The following TRPV4 variants were observed in gnomAD, a reference collection of about 807,000 sequenced individuals.
TRPV4 encodes the protein OSM9-like transient receptor potential channel 4.
In TRPV4, 58 loss-of-function variants were observed where a neutral mutation model predicts 84.1. That is an observed-to-expected ratio of 0.69 (90% confidence interval 0.56 to 0.86). The LOEUF (loss-of-function observed/expected upper bound fraction) is 0.86. Among genes scored for constraint, TRPV4 ranks in the 40% least tolerant of loss-of-function variants. The probability of loss-of-function intolerance (pLI) is 0.00; values close to 1 mark genes in which losing one functional copy is unlikely to be tolerated. For missense variants in TRPV4, 879 were observed against 1,181.1 expected, an observed-to-expected ratio of 0.74 and a Z score of 3.75; for synonymous variants, 489 against 500.9, an observed-to-expected ratio of 0.98 and a Z score of 0.32.
intron 13 of TRPV4, among the ~76,000 whole-genome samples, 177 bp downstream of exon 13, chr12:109,788,223 G>C (rs781141037): frequency 2.5e-4 from 38 of 152,248 alleles, no homozygotes; most frequent in Non-Finnish European, 5.0e-4. Flanking sequence ...AAATTCACTA[G>C]GCAGCTCTGG....
In TRPV4 at chr12:109,796,992, C is replaced by T. The variant is rs973720232; in HGVS notation, c.1153-288G>A. ...ATTGTAATGAATATCTTCTTCATGC[C>T]GTTAAAATAGCAATGAATCCATCTT... On this transcript the variant is annotated intron_variant, in intron 6 of 15. Coordinates refer to ENST00000261740, the MANE Select transcript of TRPV4 (RefSeq NM_021625.5). This position sits in a 1 kb window ranked among gnomAD's most constrained non-coding sequence, Gnocchi z 4.2. Among the ~76,000 whole-genome samples the T allele has an allele frequency of 6.6e-6, 1 of 152,102 alleles. No homozygotes were observed. Among genetic ancestry groups the T allele is most frequent in the African/African-American group, 2.4e-5 (1 of 41,426 alleles).
chr12:109,825,436 G>C (rs1180596157), intron 1 of TRPV4, among the ~76,000 whole-genome samples: 1 of 152,064 alleles, frequency 6.6e-6, no homozygotes, highest in African/African-American at 2.4e-5. Context: ...TTACAGATAA[G>C]GATGTTCAAT....
Position 109,798,979 on chromosome 12 carries a change from A to G in TRPV4, c.854-67T>C. 1 of 1,475,568 alleles carries G rather than the reference A, an allele frequency of 6.8e-7. No individual in the cohort carries two copies. Among genetic ancestry groups the G allele is most frequent in the Non-Finnish European group, 9.3e-7 (1 of 1,079,836 alleles). 91.4% of individuals were successfully genotyped at this position (1,475,568 alleles called of 1,614,324 possible). A position where few individuals can be genotyped will look rare whatever the true frequency, so the allele number is the denominator to read the frequency against. ...CCAGGGTGGGACTCTGCCTGCAGACACTCGGGGGACGGACACCGTGGCGCT... is the reference window on the plus strand; with the variant it reads ...CCAGGGTGGGACTCTGCCTGCAGACGCTCGGGGGACGGACACCGTGGCGCT... On this transcript the variant is annotated intron_variant, in intron 5 of 15. Coordinates refer to ENST00000261740, the MANE Select transcript of TRPV4 (RefSeq NM_021625.5). The surrounding 1 kb of genome is among the most constrained non-coding windows in gnomAD (Gnocchi z 5.0).
chr12:109,827,281 G>A (rs1272485249), intron 1 of TRPV4, among the ~76,000 whole-genome samples: 1 of 152,130 alleles, frequency 6.6e-6, no homozygotes, highest in Non-Finnish European at 1.5e-5. Flanking sequence ...AACAAGACCA[G>A]GACACTCACT....
rs1245573219 is a variant in TRPV4, at chr12:109,820,513, C to CTTTTTTTTT, written c.-31-5687_-31-5686insAAAAAAAAA. Among the ~76,000 whole-genome samples the CTTTTTTTTT allele has an allele frequency of 5.5e-3, 584 of 106,620 alleles. 17 individuals carry two copies. Among genetic ancestry groups the CTTTTTTTTT allele is most frequent in the Non-Finnish European group, 7.8e-3 (381 of 49,052 alleles). The allele number at this position is 106,620 out of a possible 152,430, so 69.9% of individuals were successfully genotyped here. On this transcript the variant is annotated intron_variant, in intron 1 of 15. Transcript: ENST00000261740. ...TCTGATCTTCACTTTCTTCAGCTGC[C>CTTTTTTTTT]CTATTTTTTTTTTTTTTTTTTTTTT...
At position 109,798,103 on chromosome 12, in the gene TRPV4, A is replaced by C. The variant is rs1326007152; in HGVS notation, c.1152+511T>G. On this transcript the variant is annotated intron_variant, in intron 6 of 15. Transcript: ENST00000261740. The surrounding 1 kb of genome is among the most constrained non-coding windows in gnomAD (Gnocchi z 5.0). ...GATATTTTTGGTGGTCACAAGTGTA[A>C]GGGGAGGTGTTCCTGGCATCTGGTG... Among the ~76,000 whole-genome samples, 2 of 152,112 alleles carry C rather than the reference A, an allele frequency of 1.3e-5. No individual in the cohort carries two copies. The highest frequency in any genetic ancestry group is 4.8e-5 in the African/African-American group (2 of 41,398).
chr12:109,796,661 G>A lies in TRPV4; in HGVS notation c.1196C>T (p.Thr399Ile). 6.2e-7 allele frequency: 1 copy of A among 1,614,100 alleles called. No homozygotes were observed. Among genetic ancestry groups the A allele is most frequent in the Non-Finnish European group, 8.5e-7 (1 of 1,179,966 alleles). The change falls in exon 7 of 16, where the codon ACA becomes ATA. Residue 399 changes from threonine (T) to isoleucine (I), a missense_variant. Transcript: ENST00000261740. The surrounding 1 kb of genome is among the most constrained non-coding windows in gnomAD (Gnocchi z 4.2). Reference protein sequence around the residue: ...IIRREVTDEDTRHLSRKFKDW... With the variant: ...IIRREVTDEDIRHLSRKFKDW... ...CTTGAACTTGCGGGACAGGTGCCGT[G>A]TGTCCTCATCCGTCACCTCCCGCCG... is the stretch of plus-strand genomic sequence containing the variant.
In TRPV4 at chr12:109,804,742, C is replaced by T. The variant is rs144707172; in HGVS notation, c.560-1599G>A. Among the ~76,000 whole-genome samples, 637 of 152,328 alleles carry T rather than the reference C, an allele frequency of 4.2e-3. 7 individuals are homozygous for T. The highest frequency in any genetic ancestry group is 4.5e-3 in the Non-Finnish European group (308 of 68,042). ...AGCTCAGAGGCGACACCAAACCTCT[C>T]ATGGAATAATGTGGCCCAGCCACCA... On this transcript the variant is annotated intron_variant, in intron 3 of 15. Coordinates refer to ENST00000261740, the MANE Select transcript of TRPV4 (RefSeq NM_021625.5).
At chr12:109,799,059 T>C in intron 5 of TRPV4, 147 bp from the exon 6 acceptor site, 2 of 793,356 alleles carry the variant, frequency 2.5e-6, no homozygotes, top group Middle Eastern at 3.7e-4. Flanking sequence ...CACGTTTCTC[T>C]GGGTGATGCC....
In TRPV4 at chr12:109,788,645, G is replaced by A; in HGVS notation, c.1963C>T (p.Pro655Ser). 6.2e-7 allele frequency: 1 copy of A among 1,614,238 alleles called. No individual in the cohort carries two copies. Among genetic ancestry groups the A allele is most frequent in the Non-Finnish European group, 8.5e-7 (1 of 1,180,056 alleles). ...CNEDQTNCTV[P>S]TYPSCRDSET... ...CTGTCACGGCACGAGGGGTAAGTGG[G>A]CACTGTGCAGTTGGTCTGGTCCTCA... The change falls in exon 13 of 16, where the codon CCC (proline) becomes TCC (serine). Residue 655 changes from proline to serine, a missense_variant. Transcript: ENST00000261740.
chr12:109,785,688 G>T (rs1889644092), intron 14 of TRPV4, among the ~76,000 whole-genome samples: 1 of 151,608 alleles, frequency 6.6e-6, no homozygotes, highest in African/African-American at 2.4e-5. Context: ...CAAAGTGCTG[G>T]GATTACAAGC....
Position 109,808,412 on chromosome 12 carries a change from AC to A in TRPV4, c.442del (p.Val148SerfsTer27). ...GTCAAAGAGGATAGGCCGGTTGAAG[AC>A]TTTGAGGATGGGGGGCGGCTGAGGG... ...PAPQPPPILKVFNRPILFDIV... is the reference protein window; with the variant it reads ...PAPQPPPILKXFNRPILFDIV... On this transcript the variant is annotated frameshift_variant, in exon 3 of 16. Transcript: ENST00000261740. LOFTEE classifies it high-confidence loss of function. The A allele has an allele frequency of 6.2e-7, 1 of 1,614,040 alleles. No individual in the cohort carries two copies. The highest frequency in any genetic ancestry group is 1.3e-5 in the African/African-American group (1 of 74,984).
intron 14 of TRPV4, among the ~76,000 whole-genome samples, chr12:109,785,943 T>TTCAAGACCAGCATGGCCAACA (rs1889658999): frequency 6.6e-6 from 1 of 151,596 alleles, no homozygotes; most frequent in African/African-American, 2.4e-5. Context: ...AGACCAGGAG[T>TTCAAGACCAGCATGGCCAACA]TGGAGGCTGC....
chr12:109,799,639 C>T (rs1205520622), intron 5 of TRPV4, among the ~76,000 whole-genome samples: 1 of 152,236 alleles, frequency 6.6e-6, no homozygotes. Context: ...GAGCTGGGCG[C>T]TGACATCACA....
chr12:109,799,979 G>C (rs893178626), intron 5 of TRPV4, among the ~76,000 whole-genome samples: 1 of 151,616 alleles, frequency 6.6e-6, no homozygotes, highest in African/African-American at 2.4e-5. Flanking sequence ...GTCTCACTCT[G>C]TCACCCAAGC....
intron 4 of TRPV4, among the ~76,000 whole-genome samples, chr12:109,801,156 G>A (rs1276216979): frequency 6.6e-6 from 1 of 152,176 alleles, no homozygotes; most frequent in Non-Finnish European, 1.5e-5. Flanking sequence ...CTATAGAAAT[G>A]CTAAAAATTA....
At chr12:109,819,409 A>C (rs1445769234) in intron 1 of TRPV4, among the ~76,000 whole-genome samples, 2 of 152,008 alleles carry the variant, frequency 1.3e-5, no homozygotes, top group Non-Finnish European at 2.9e-5. Context: ...TCGTTCCCGC[A>C]CGGGCTCACA....
chr12:109,792,117 G>A (rs1358580747), intron 12 of TRPV4, among the ~76,000 whole-genome samples: 1 of 151,548 alleles, frequency 6.6e-6, no homozygotes, highest in Non-Finnish European at 1.5e-5. Flanking sequence ...GTGGTGGCAG[G>A]AGCCCGTAAT....
rs934649535 is a variant in TRPV4, at chr12:109,815,027, G to A, written c.-31-200C>T. The A allele has an allele frequency of 2.5e-5, 15 of 595,628 alleles. No homozygotes were observed. Among genetic ancestry groups the A allele is most frequent in the Admixed American group, 1.5e-4 (5 of 33,274 alleles). The allele number at this position is 595,628 out of a possible 1,614,324, so 36.9% of individuals were successfully genotyped here. A position where few individuals can be genotyped will look rare whatever the true frequency, so the allele number is the denominator to read the frequency against. On this transcript the variant is annotated intron_variant, in intron 1 of 15. Transcript: ENST00000261740. The surrounding 1 kb of genome is among the most constrained non-coding windows in gnomAD (Gnocchi z 4.1). ...GAACTGCAACAGGAGCCTCTTTCACGAACCTGGAAACACAAATTGGCCCCA... is the reference window on the plus strand; with the variant it reads ...GAACTGCAACAGGAGCCTCTTTCACAAACCTGGAAACACAAATTGGCCCCA...
Sources: allele counts gnomAD v4.1 joint callset (sites outside exome capture counted in the v4.1 genomes callset), GRCh38; gene constraint gnomAD v4.1.1; non-coding constraint Gnocchi (gnomAD v3.1); transcripts MANE v1.5; gene names NCBI Gene and HGNC (gene_info 2026-07-23, HGNC 2026-07-21).